The following ASPRV1 variants were observed in gnomAD, a reference collection of about 807,000 sequenced individuals.
The protein encoded by ASPRV1 is retroviral-like aspartic protease 1.
In ASPRV1, 7 loss-of-function variants were observed where a neutral mutation model predicts 11.0. The observed-to-expected ratio is 0.64, with a 90% CI of 0.36 to 1.20. The LOEUF is 1.20. Among genes scored for constraint, ASPRV1 ranks in the 50% most tolerant of loss-of-function variants. ASPRV1 has a pLI of 0.02. For missense variants in ASPRV1, 299 were observed against 320.0 expected, an observed-to-expected ratio of 0.93 and a Z score of 0.50; for synonymous variants, 136 against 138.4, an observed-to-expected ratio of 0.98 and a Z score of 0.12.
At chr2:69,957,637 G>T (rs979820527), downstream of ASPRV1, among the ~76,000 whole-genome samples, 5 of 151,846 alleles carry the variant, frequency 3.3e-5, no homozygotes, top group African/African-American at 1.2e-4. Flanking sequence ...TCTGGCGCTG[G>T]TCTGGGTGGG....
At chr2:70,081,228 G>A in the ASPRV1 span, 1 of 152,168 alleles carries the variant, frequency 6.6e-6, no homozygotes, top group African/African-American at 2.4e-5. Flanking sequence ...TCTGGCTGGA[G>A]GCTCACTTCC....
At chr2:70,052,932 C>T in the ASPRV1 span, among the ~76,000 whole-genome samples, 3 of 152,100 alleles carry the variant, frequency 2.0e-5, no homozygotes, top group Non-Finnish European at 4.4e-5. Flanking sequence ...CACAGGAGGC[C>T]AGAGCTCTAC....
the ASPRV1 span, chr2:70,085,605 A>G: frequency 6.6e-6 from 1 of 151,824 alleles, no homozygotes; most frequent in Non-Finnish European, 1.5e-5. Flanking sequence ...TAAGCACTTC[A>G]TCTTTATGTT....
chr2:69,992,353 C>A, the ASPRV1 span, among the ~76,000 whole-genome samples: 1 of 152,316 alleles, frequency 6.6e-6, no homozygotes, highest in African/African-American at 2.4e-5. Context: ...CCTTTACAAT[C>A]GTTGCTAATT....
chr2:70,074,551 C>A, the ASPRV1 span, among the ~76,000 whole-genome samples: 1 of 151,558 alleles, frequency 6.6e-6, no homozygotes, highest in Non-Finnish European at 1.5e-5. Context: ...ACTGGGATTA[C>A]AGGCATGAGC....
chr2:69,965,657 C>T (rs1258471328), upstream of ASPRV1, among the ~76,000 whole-genome samples: 1 of 152,182 alleles, frequency 6.6e-6, no homozygotes, highest in Non-Finnish European at 1.5e-5. Flanking sequence ...AAATCCAAGG[C>T]ACCTGCAGTT....
chr2:69,938,009 AG>A, the ASPRV1 span: 8 of 1,302,448 alleles, frequency 6.1e-6, no homozygotes, highest in Admixed American at 4.3e-5. Flanking sequence ...TGCCTCCCAA[AG>A]TGCTGGGATT....
At chr2:69,947,127 AGAGGTTGT>A in the ASPRV1 span, among the ~76,000 whole-genome samples, 11 of 152,342 alleles carry the variant, frequency 7.2e-5, no homozygotes, top group South Asian at 2.3e-3. Flanking sequence ...GAGCAACTGC[AGAGGTTGT>A]GATGATTCTT....
chr2:69,966,206 T>C (rs555856797), upstream of ASPRV1, among the ~76,000 whole-genome samples: 16 of 152,212 alleles, frequency 1.1e-4, 1 homozygote, highest in Admixed American at 2.6e-4. Flanking sequence ...CTCCTAGAAG[T>C]CCAATTTGCC....
the ASPRV1 span, among the ~76,000 whole-genome samples, chr2:70,002,209 T>A: frequency 6.6e-6 from 1 of 152,104 alleles, no homozygotes; most frequent in East Asian, 1.9e-4. Context: ...CCTGGTGGGG[T>A]TCCCTGTCCA....
At chr2:70,076,864 C>T in the ASPRV1 span, among the ~76,000 whole-genome samples, 1 of 152,108 alleles carries the variant, frequency 6.6e-6, no homozygotes, top group Admixed American at 6.6e-5. Flanking sequence ...TGTCAGTAGG[C>T]CAGGAAAATA....
chr2:70,085,564 G>C, the ASPRV1 span: 1 of 152,188 alleles, frequency 6.6e-6, no homozygotes, highest in Non-Finnish European at 1.5e-5. Context: ...GAAATCTGGA[G>C]GTCCATCCCC....
chr2:69,934,238 A>C, the ASPRV1 span, among the ~76,000 whole-genome samples: 3 of 152,224 alleles, frequency 2.0e-5, no homozygotes, highest in Non-Finnish European at 4.4e-5. Context: ...TGCTTAGAAA[A>C]TAGAGGAATC....
chr2:69,976,838 C>T, the ASPRV1 span, among the ~76,000 whole-genome samples: 4 of 152,086 alleles, frequency 2.6e-5, no homozygotes, highest in Admixed American at 2.6e-4. Flanking sequence ...TCAGACCAAC[C>T]TATAGGAACA....
chr2:69,989,345 A>G, the ASPRV1 span, among the ~76,000 whole-genome samples: 1 of 152,248 alleles, frequency 6.6e-6, no homozygotes, highest in Non-Finnish European at 1.5e-5. Flanking sequence ...CTTAGCTGTA[A>G]AATGAGAATG....
the ASPRV1 span, chr2:69,935,429 G>A: frequency 4.8e-5 from 78 of 1,614,046 alleles, no homozygotes; most frequent in Admixed American, 3.5e-4. Flanking sequence ...GACACACTAC[G>A]TTGAGTTTAT....
the ASPRV1 span, chr2:69,938,867 G>C: frequency 1.3e-5 from 2 of 152,944 alleles, no homozygotes; most frequent in African/African-American, 4.8e-5. Context: ...GCCGCGTGTG[G>C]ATGGGAGCAG....
the ASPRV1 span, among the ~76,000 whole-genome samples, chr2:70,017,766 T>C: frequency 2.0e-5 from 3 of 152,160 alleles, no homozygotes; most frequent in African/African-American, 7.2e-5. Flanking sequence ...CATGCAAAAT[T>C]CAGTAGTGTT....
At chr2:69,985,060 G>A in the ASPRV1 span, among the ~76,000 whole-genome samples, 1 of 152,136 alleles carries the variant, frequency 6.6e-6, no homozygotes, top group East Asian at 1.9e-4. Context: ...GTTTCACTGT[G>A]TTAGCCAGGA....
Sources: allele counts gnomAD v4.1 joint callset (sites outside exome capture counted in the v4.1 genomes callset), GRCh38; gene constraint gnomAD v4.1.1; transcripts MANE v1.5; gene names NCBI Gene and HGNC (gene_info 2026-07-23, HGNC 2026-07-21).